The following SLC24A2 variants were observed in gnomAD, a reference collection of about 807,000 sequenced individuals.
SLC24A2 encodes the protein solute carrier family 24 member 2.
SLC24A2 carries 36 observed loss-of-function variants against 62.0 expected under a neutral mutation model. The ratio of observed to expected loss-of-function variants is 0.58; its 90% CI spans 0.44 to 0.77. SLC24A2 has a LOEUF of 0.77. Among genes scored for constraint, SLC24A2 ranks in the 30% least tolerant of loss-of-function variants. The pLI is 0.00. For missense variants in SLC24A2, 846 were observed against 817.9 expected (o/e 1.03, Z -0.42); for synonymous variants, 358 against 294.0 (o/e 1.22, Z -2.23).
At position 19,571,320 on chromosome 9, in the gene SLC24A2, T is replaced by A. The variant is rs533710690; in HGVS notation, c.1347+2031A>T. On this transcript the variant is annotated intron_variant, in intron 7 of 10. Transcript: ENST00000341998. The stretch of plus-strand genomic sequence containing the variant: ...GAAGGAGTGGCAGGCTCCTTATTCT[T>A]TCTGTTAAATGAAGAAACTTTCCTT... Among the ~76,000 whole-genome samples, 301 of 152,314 alleles carry A rather than the reference T, an allele frequency of 2.0e-3. 1 individual carries two copies. Among genetic ancestry groups the A allele is most frequent in the African/African-American group, 6.9e-3 (285 of 41,570 alleles).
chr9:20,063,065 A>G, the SLC24A2 span, among the ~76,000 whole-genome samples: 1 of 115,712 alleles, frequency 8.6e-6, no homozygotes, highest in South Asian at 3.3e-4. Flanking sequence ...TAGTTCAACC[A>G]TTGTGGAAGT....
chr9:19,552,326 G>A (rs377447370), intron 7 of SLC24A2, among the ~76,000 whole-genome samples: 2 of 152,110 alleles, frequency 1.3e-5, no homozygotes, highest in Non-Finnish European at 2.9e-5. Flanking sequence ...AATAATCTTT[G>A]TGTCATGGGG....
the SLC24A2 span, among the ~76,000 whole-genome samples, chr9:20,260,831 T>C: frequency 3.5e-5 from 5 of 144,600 alleles, no homozygotes; most frequent in African/African-American, 7.7e-5. Context: ...GTCCCCAAAG[T>C]CCAACGTATC....
chr9:19,808,441 A>C, the SLC24A2 span, among the ~76,000 whole-genome samples: 5 of 152,216 alleles, frequency 3.3e-5, no homozygotes, highest in Admixed American at 6.5e-5. The surrounding 1 kb of genome is among the most constrained non-coding windows in gnomAD (Gnocchi z 4.1). Context: ...TTTAAGAACA[A>C]GAGTTTTCTG....
At chr9:20,116,976 T>A in the SLC24A2 span, among the ~76,000 whole-genome samples, 4 of 152,128 alleles carry the variant, frequency 2.6e-5, no homozygotes, top group African/African-American at 7.2e-5. Context: ...TTTGAACAAT[T>A]GTATGATCTT....
At chr9:19,865,652 G>C in the SLC24A2 span, among the ~76,000 whole-genome samples, 1 of 152,104 alleles carries the variant, frequency 6.6e-6, no homozygotes. Flanking sequence ...TCCATATACA[G>C]AAGAATAAAA....
chr9:20,024,090 G>A, the SLC24A2 span, among the ~76,000 whole-genome samples: 2 of 152,166 alleles, frequency 1.3e-5, no homozygotes, highest in African/African-American at 4.8e-5. Context: ...TTAGGCTCCA[G>A]GCAGACAGAG....
the SLC24A2 span, among the ~76,000 whole-genome samples, chr9:19,847,357 A>G: frequency 0.066 from 10,105 of 152,274 alleles, 488 homozygotes; most frequent in African/African-American, 0.13. Context: ...TATTTATCAG[A>G]TAATGCAAAC....
intron 2 of SLC24A2, among the ~76,000 whole-genome samples, chr9:19,707,471 G>C (rs141353670): frequency 0.14 from 21,470 of 151,656 alleles, 2,322 homozygotes; most frequent in African/African-American, 0.32. Context: ...TTTTAGACCA[G>C]TATCCTTGAT....
At chr9:19,858,527 CA>C in the SLC24A2 span, among the ~76,000 whole-genome samples, 1 of 152,112 alleles carries the variant, frequency 6.6e-6, no homozygotes, top group Non-Finnish European at 1.5e-5. Flanking sequence ...AGTTTCTTTA[CA>C]GCAAAATAAA....
intron 6 of SLC24A2, among the ~76,000 whole-genome samples, chr9:19,574,364 G>C (rs1244305182): frequency 6.6e-6 from 1 of 152,194 alleles, no homozygotes; most frequent in Non-Finnish European, 1.5e-5. Flanking sequence ...AGTGACTCTA[G>C]GGTAATGGTT....
chr9:20,298,674 T>C, the SLC24A2 span, among the ~76,000 whole-genome samples: 3 of 152,396 alleles, frequency 2.0e-5, no homozygotes, highest in South Asian at 6.2e-4. Flanking sequence ...AGCAGCAGCC[T>C]GTGGGCTAAA....
chr9:19,668,707 A>C (rs895142602), intron 2 of SLC24A2, among the ~76,000 whole-genome samples: 3 of 152,118 alleles, frequency 2.0e-5, no homozygotes, highest in Admixed American at 6.5e-5. Flanking sequence ...TCTCCTGTGC[A>C]TCCTACGATA....
At chr9:19,608,712 GT>G (rs1359260327) in intron 4 of SLC24A2, among the ~76,000 whole-genome samples, 1 of 151,764 alleles carries the variant, frequency 6.6e-6, no homozygotes, top group Admixed American at 6.6e-5. Flanking sequence ...CCACTTTCTT[GT>G]TTTCCTTCTC....
the SLC24A2 span, among the ~76,000 whole-genome samples, chr9:20,289,172 G>A: frequency 2.4e-4 from 37 of 152,290 alleles, no homozygotes; most frequent in Admixed American, 6.5e-4. Context: ...AGTTTAGGGG[G>A]CAGTTTGTGA....
chr9:19,968,730 C>T, the SLC24A2 span, among the ~76,000 whole-genome samples: 1 of 152,180 alleles, frequency 6.6e-6, no homozygotes, highest in South Asian at 2.1e-4. Flanking sequence ...CCTTGGCCCT[C>T]TAATGCTCTG....
At chr9:20,137,358 T>G in the SLC24A2 span, among the ~76,000 whole-genome samples, 2 of 152,144 alleles carry the variant, frequency 1.3e-5, no homozygotes, top group Non-Finnish European at 2.9e-5. Context: ...TTTTTACAGG[T>G]CTAAGGAATA....
In SLC24A2 at chr9:19,748,639, G is replaced by A. The variant is rs534863157; in HGVS notation, c.930+37298C>T. Among the ~76,000 whole-genome samples, 134 of 152,098 alleles carry A rather than the reference G, an allele frequency of 8.8e-4. 1 individual carries two copies. The highest frequency in any genetic ancestry group is 3.1e-3 in the African/African-American group (129 of 41,492). ...ATTGGTCAGTCCCTTCATCTAGGCA[G>A]CCTAGGCCCAGATGTTTTTATTGTC... is the stretch of plus-strand genomic sequence containing the variant. On this transcript the variant is annotated intron_variant, in intron 2 of 10. Coordinates refer to ENST00000341998, the MANE Select transcript of SLC24A2 (RefSeq NM_020344.4).
chr9:20,281,438 C>T, the SLC24A2 span, among the ~76,000 whole-genome samples: 4,160 of 152,264 alleles, frequency 0.027, 83 homozygotes, highest in Non-Finnish European at 0.042. Context: ...CAAAACGGAA[C>T]ATTACCAGCA....
Sources: gnomAD v4.1 joint callset for allele counts (sites outside exome capture counted in the v4.1 genomes callset) on GRCh38, gnomAD v4.1.1 for gene constraint, Gnocchi (gnomAD v3.1) non-coding constraint, MANE v1.5 for transcripts, NCBI Gene and HGNC (gene_info 2026-07-23, HGNC 2026-07-21) for gene names.